The following CACNG6 variants were observed in gnomAD, a reference collection of about 807,000 sequenced individuals.
CACNG6 encodes calcium voltage-gated channel auxiliary subunit gamma 6.
In CACNG6, 21 loss-of-function variants were observed where a neutral mutation model predicts 23.9. The ratio of observed to expected loss-of-function variants is 0.88; its 90% CI spans 0.62 to 1.26. The LOEUF (loss-of-function observed/expected upper bound fraction) is 1.26. Among genes scored for constraint, CACNG6 ranks in the 50% most tolerant of loss-of-function variants. The pLI, the probability that CACNG6 is intolerant of heterozygous loss-of-function variation, is 0.00. For missense variants in CACNG6, 340 were observed against 352.9 expected, an observed-to-expected ratio of 0.96 and a Z score of 0.29; for synonymous variants, 182 against 168.9, an observed-to-expected ratio of 1.08 and a Z score of -0.60.
chr19:54,007,605 G>T (rs1319986392), intron 3 of CACNG6, among the ~76,000 whole-genome samples: 1 of 152,166 alleles, frequency 6.6e-6, no homozygotes, highest in Non-Finnish European at 1.5e-5. Context: ...ATCAAAGAAT[G>T]CATGAATCAG....
chr19:54,002,939 A>G (rs2069595671), intron 3 of CACNG6, among the ~76,000 whole-genome samples: 1 of 152,180 alleles, frequency 6.6e-6, no homozygotes, highest in Non-Finnish European at 1.5e-5. Context: ...TGAGACAGAG[A>G]AGTCTGCTGC....
At chr19:54,011,205 A>AAATATATATATATATATATATATAT (rs58054808) in intron 3 of CACNG6, among the ~76,000 whole-genome samples, 1 of 102,506 alleles carries the variant, frequency 9.8e-6, no homozygotes, top group Non-Finnish European at 1.7e-5. Context: ...AAAAAAAAAA[A>AAATATATATATATATATATATATAT]ATATATATAT....
chr19:53,996,657 T>C (rs1282533438), intron 1 of CACNG6, among the ~76,000 whole-genome samples: 2 of 152,184 alleles, frequency 1.3e-5, no homozygotes, highest in Non-Finnish European at 2.9e-5. Context: ...CCTCCCAATG[T>C]GTTGGGATTA....
rs1221613153 is a variant in CACNG6, at chr19:54,011,956, C to G, written c.550C>G (p.Leu184Val). Residue 184 changes from leucine to valine, a missense_variant, in exon 4 of 4, where the codon CTG (leucine) becomes GTG (valine). Coordinates refer to ENST00000252729, the MANE Select transcript of CACNG6 (RefSeq NM_145814.2). ...GAVCFGLSGL[L>V]LLVSLEVFRH... ...AGCTGTCCTCTCTCCCGCAGGCCTG[C>G]TGCTCTTGGTGAGCCTGGAGGTGTT... The G allele has an allele frequency of 6.6e-7, 1 of 1,520,340 alleles. No homozygotes were observed. The allele number at this position is 1,520,340 out of a possible 1,614,324, so 94.2% of individuals were successfully genotyped here. A position where few individuals can be genotyped will look rare whatever the true frequency, so the allele number is the denominator to read the frequency against.
intron 1 of CACNG6, among the ~76,000 whole-genome samples, chr19:53,994,766 G>A (rs891485612): frequency 3.3e-5 from 5 of 152,106 alleles, no homozygotes; most frequent in African/African-American, 7.2e-5. Flanking sequence ...CCAAGCCCTC[G>A]ATAGGACAGT....
intron 3 of CACNG6, among the ~76,000 whole-genome samples, chr19:54,000,751 G>A (rs1327724883): frequency 3.3e-5 from 5 of 152,028 alleles, no homozygotes; most frequent in Non-Finnish European, 4.4e-5. Context: ...GCTAATTTTT[G>A]TATTTTTCGG....
At position 54,004,383 on chromosome 19, in the gene CACNG6, GTGTGTGTGTT is replaced by G. The variant is rs1185770876; in HGVS notation, c.544+4614_544+4623del. 7.2e-5 allele frequency among the ~76,000 whole-genome samples: 9 copies of G among 125,104 alleles called. No individual in the cohort carries two copies. The East Asian group carries it at 2.5e-3, about 34-fold the overall frequency. The allele number at this position is 125,104 out of a possible 152,430, so 82.1% of individuals were successfully genotyped here. On this transcript the variant is annotated intron_variant, in intron 3 of 3. Coordinates refer to ENST00000252729, the MANE Select transcript of CACNG6 (RefSeq NM_145814.2). ...TGTGTGTGTGTGTGTGTGTGTGTGT[GTGTGTGTGTT>G]TAGTAGAGATGGGCTTTCTCCATGT...
Position 54,012,158 on chromosome 19 carries a change from T to G in CACNG6, c.752T>G (p.Leu251Arg). The stretch of plus-strand genomic sequence containing the variant: ...CTGCCTTCCTGGCCCTGGGGGTCCC[T>G]CTGTCCCAAGCGGGGGCACCGGGCC... ...LTLPSWPWGS[L>R]CPKRGHRAT The change falls in exon 4 of 4, where the codon CTC (leucine) becomes CGC (arginine). Residue 251 changes from leucine (L) to arginine (R), a missense_variant. By Grantham distance (102) the Leu-to-Arg change is moderately radical. Coordinates refer to ENST00000252729, the MANE Select transcript of CACNG6 (RefSeq NM_145814.2). 1 of 1,484,872 alleles carries G rather than the reference T, an allele frequency of 6.7e-7. No homozygotes were observed. The highest frequency in any genetic ancestry group is 9.0e-7 in the Non-Finnish European group (1 of 1,114,434). The allele number at this position is 1,484,872 out of a possible 1,614,324, so 92.0% of individuals were successfully genotyped here.
intron 2 of CACNG6, among the ~76,000 whole-genome samples, chr19:53,999,071 C>A (rs2069549948): frequency 6.6e-6 from 1 of 152,038 alleles, no homozygotes; most frequent in Non-Finnish European, 1.5e-5. Flanking sequence ...ACCATGTTGG[C>A]CAGCCTGGTC....
chr19:54,007,659 G>C (rs1600063675), intron 3 of CACNG6, among the ~76,000 whole-genome samples: 1 of 152,188 alleles, frequency 6.6e-6, no homozygotes, highest in Non-Finnish European at 1.5e-5. Flanking sequence ...CATTTTGGGA[G>C]GCTGAGGCAG....
chr19:54,005,527 G>A (rs1346614471), intron 3 of CACNG6, among the ~76,000 whole-genome samples: 4 of 151,740 alleles, frequency 2.6e-5, no homozygotes, highest in Admixed American at 6.6e-5. Flanking sequence ...AGGCTGAGGC[G>A]GGCAGATCTC....
intron 3 of CACNG6, among the ~76,000 whole-genome samples, chr19:54,010,554 C>G (rs2069695002): frequency 6.6e-6 from 1 of 151,830 alleles, no homozygotes; most frequent in African/African-American, 2.4e-5. Context: ...ACCATTTCCC[C>G]TTTTTATTTT....
At chr19:54,009,776 CTT>C (rs1229411375) in intron 3 of CACNG6, among the ~76,000 whole-genome samples, 6,861 of 90,384 alleles carry the variant, frequency 0.076, 220 homozygotes, top group Middle Eastern at 0.21. Context: ...TTCTTTTTTG[CTT>C]TTTTTAAAAA....
chr19:54,011,205 A>AAATAT lies in CACNG6; in HGVS notation c.545-745_545-744insATATA, dbSNP rs58054808. 2.9e-5 allele frequency among the ~76,000 whole-genome samples: 3 copies of AAATAT among 102,506 alleles called. No homozygotes were observed. In the East Asian group the frequency reaches 8.5e-4, roughly 29 times the overall value. The allele number at this position is 102,506 out of a possible 152,430, so 67.2% of individuals were successfully genotyped here. A position where few individuals can be genotyped will look rare whatever the true frequency, so the allele number is the denominator to read the frequency against. On this transcript the variant is annotated intron_variant, in intron 3 of 3. Transcript: ENST00000252729. ...CCGTCTCTACTAAAAAAAAAAAAAAAATATATATATATATATATATATACA... is the reference window on the plus strand; with the variant it reads ...CCGTCTCTACTAAAAAAAAAAAAAAAAATATATATATATATATATATATATATACA...
At chr19:54,003,866 T>A (rs897088441) in intron 3 of CACNG6, among the ~76,000 whole-genome samples, 2 of 152,116 alleles carry the variant, frequency 1.3e-5, no homozygotes, top group African/African-American at 4.8e-5. Context: ...TTTTTAATTT[T>A]AAATTTTTTA....
intron 3 of CACNG6, among the ~76,000 whole-genome samples, chr19:54,008,793 C>T (rs1568818780): frequency 6.6e-6 from 1 of 152,232 alleles, no homozygotes. Flanking sequence ...GTGCCACTCT[C>T]TCTGTTTCTA....
chr19:53,994,696 C>T (rs1344347523), intron 1 of CACNG6, among the ~76,000 whole-genome samples: 3 of 152,140 alleles, frequency 2.0e-5, no homozygotes, highest in African/African-American at 7.2e-5. Context: ...TGAGATTTCC[C>T]TCGTCCCTCA....
chr19:53,996,019 C>T (rs185185720), intron 1 of CACNG6, among the ~76,000 whole-genome samples: 2 of 152,332 alleles, frequency 1.3e-5, no homozygotes, highest in Admixed American at 1.3e-4. Context: ...TCCTCCTGGC[C>T]GGACATCTCA....
intron 2 of CACNG6, 107 bp downstream of exon 2, chr19:53,998,420 T>C: frequency 1.1e-6 from 1 of 951,630 alleles, no homozygotes; most frequent in East Asian, 2.6e-5. Flanking sequence ...CCAGGGCAGG[T>C]CTCGTGTCTA....
Sources: allele counts gnomAD v4.1 joint callset (sites outside exome capture counted in the v4.1 genomes callset), GRCh38; gene constraint gnomAD v4.1.1; transcripts MANE v1.5; gene names NCBI Gene and HGNC (gene_info 2026-07-23, HGNC 2026-07-21).